The following PCDH15 variants were observed in gnomAD, a reference collection of about 807,000 sequenced individuals.
PCDH15 encodes the protein protocadherin-15.
In PCDH15, 129 loss-of-function variants were observed where a neutral mutation model predicts 178.5. That is an observed-to-expected ratio of 0.72 (90% CI 0.63 to 0.84). PCDH15 has a LOEUF of 0.84. PCDH15 is among the 40% of genes least tolerant of loss of function. PCDH15 has a pLI of 0.00. For missense variants in PCDH15, 2,230 were observed against 2,099.9 expected (o/e 1.06, Z -1.21); for synonymous variants, 800 against 732.0 (o/e 1.09, Z -1.50).
At chr10:54,579,847 A>G (rs2090871694) in intron 2 of PCDH15, among the ~76,000 whole-genome samples, 2 of 152,118 alleles carry the variant, frequency 1.3e-5, no homozygotes, top group African/African-American at 4.8e-5. Context: ...CCACACAATG[A>G]CATGCAAATT....
intron 1 of PCDH15, among the ~76,000 whole-genome samples, chr10:55,250,346 T>G (rs1229951541): frequency 6.6e-6 from 1 of 151,766 alleles, no homozygotes; most frequent in Admixed American, 6.6e-5. Context: ...AGGGTCTCAC[T>G]TTTTTGCCCT....
intron 16 of PCDH15, among the ~76,000 whole-genome samples, chr10:54,087,815 T>G (rs2094538731): frequency 6.6e-6 from 1 of 152,134 alleles, no homozygotes; most frequent in African/African-American, 2.4e-5. Context: ...GGAAGGTGAT[T>G]GGCTCATGGG....
At chr10:54,306,157 A>G (rs1047564822) in intron 8 of PCDH15, among the ~76,000 whole-genome samples, 2 of 151,932 alleles carry the variant, frequency 1.3e-5, no homozygotes, top group African/African-American at 4.8e-5. Flanking sequence ...TGATGGTTTG[A>G]TTATATATTT....
chr10:54,218,893 A>T (rs2052404715), intron 9 of PCDH15, among the ~76,000 whole-genome samples: 1 of 152,152 alleles, frequency 6.6e-6, no homozygotes, highest in Non-Finnish European at 1.5e-5. Context: ...AAACAACTTG[A>T]CTTCTCAATA....
intron 3 of PCDH15, among the ~76,000 whole-genome samples, chr10:54,850,507 T>G: frequency 6.6e-6 from 1 of 152,114 alleles, no homozygotes. Flanking sequence ...TCCTTATAGC[T>G]TAGCTCCTAC....
chr10:54,753,982 T>A (rs1375076132), intron 1 of PCDH15, among the ~76,000 whole-genome samples: 12 of 130,358 alleles, frequency 9.2e-5, no homozygotes, highest in African/African-American at 3.4e-4. Context: ...CTGATTTTTT[T>A]TTTTTATTAT....
chr10:54,292,676 AACAG>A (rs1205831707), intron 8 of PCDH15, among the ~76,000 whole-genome samples: 1 of 152,050 alleles, frequency 6.6e-6, no homozygotes, highest in African/African-American at 2.4e-5. Context: ...ATATGTCAAT[AACAG>A]ACAGAGAGCC....
At chr10:54,526,148 G>C (rs1429487553) in intron 3 of PCDH15, among the ~76,000 whole-genome samples, 2 of 152,184 alleles carry the variant, frequency 1.3e-5, no homozygotes, top group Non-Finnish European at 2.9e-5. Flanking sequence ...TCTTCGTAGA[G>C]TTCCTAAGCT....
At chr10:54,421,820 A>ATATATATATATATACACACACAC (rs1565230582) in intron 3 of PCDH15, among the ~76,000 whole-genome samples, 1 of 106,122 alleles carries the variant, frequency 9.4e-6, no homozygotes, top group Non-Finnish European at 1.8e-5. Context: ...GTGTGTGTAT[A>ATATATATATATATACACACACAC]TATATATATA....
chr10:54,817,980 A>G (rs1298503829), intron 3 of PCDH15, among the ~76,000 whole-genome samples: 1 of 152,004 alleles, frequency 6.6e-6, no homozygotes. Flanking sequence ...GGAAGGGACA[A>G]TGTTTAATTC....
At chr10:54,681,292 G>T (rs893174187) in intron 1 of PCDH15, among the ~76,000 whole-genome samples, 2 of 152,164 alleles carry the variant, frequency 1.3e-5, no homozygotes, top group Non-Finnish European at 2.9e-5. Flanking sequence ...CCCATAGATT[G>T]ATATGAATGA....
chr10:55,353,860 T>C (rs1900493), intron 2 of PCDH15, among the ~76,000 whole-genome samples: 84,879 of 151,912 alleles, frequency 0.56, 24,444 homozygotes, highest in African/African-American at 0.69. Context: ...AATGTGAAAG[T>C]GAGTGGATAA....
intron 2 of PCDH15, among the ~76,000 whole-genome samples, chr10:54,615,300 A>AT (rs2093099703): frequency 6.6e-6 from 1 of 152,056 alleles, no homozygotes; most frequent in Non-Finnish European, 1.5e-5. Context: ...TCTTTACCAG[A>AT]TACAATGTTT....
At chr10:55,271,913 T>C (rs996119001) in intron 1 of PCDH15, among the ~76,000 whole-genome samples, 5 of 152,148 alleles carry the variant, frequency 3.3e-5, no homozygotes, top group Non-Finnish European at 7.3e-5. Flanking sequence ...AAATGTTTTC[T>C]AAGAGAAAAC....
intron 15 of PCDH15, among the ~76,000 whole-genome samples, chr10:54,125,827 T>G (rs1229591405): frequency 6.6e-6 from 1 of 152,184 alleles, no homozygotes; most frequent in Non-Finnish European, 1.5e-5. Flanking sequence ...CATCTATATC[T>G]TCAGCATCCA....
At chr10:54,575,148 T>G (rs2090321152) in intron 2 of PCDH15, 1 of 108,220 alleles carries the variant, frequency 9.2e-6, no homozygotes, top group African/African-American at 3.7e-5. Flanking sequence ...TGGGGACTGT[T>G]GTGGGGTGGG....
intron 2 of PCDH15, among the ~76,000 whole-genome samples, chr10:54,950,904 A>G (rs1267674997): frequency 2.6e-5 from 4 of 151,938 alleles, no homozygotes; most frequent in African/African-American, 9.7e-5. Flanking sequence ...TTTAATTAAT[A>G]TAGCTTAAAT....
intron 2 of PCDH15, among the ~76,000 whole-genome samples, chr10:55,489,365 A>T (rs2132126456): frequency 6.6e-6 from 1 of 151,748 alleles, no homozygotes; most frequent in Admixed American, 6.6e-5. Flanking sequence ...ATATACCATA[A>T]AATTTTATTT....
chr10:54,554,981 GAAAGGACATTGGAAAAAGATTCAT>G (rs1164955334), intron 2 of PCDH15, among the ~76,000 whole-genome samples: 2 of 152,118 alleles, frequency 1.3e-5, no homozygotes. Flanking sequence ...ACTGTAAGCA[GAAAGGACATTGGAAAAAGATTCAT>G]AAAGGACATT....
Sources: gnomAD v4.1 joint callset for allele counts (sites outside exome capture counted in the v4.1 genomes callset) on GRCh38, gnomAD v4.1.1 for gene constraint, MANE v1.5 for transcripts, NCBI Gene and HGNC (gene_info 2026-07-23, HGNC 2026-07-21) for gene names.